APBB2: variants seen among roughly 807,000 people sequenced by gnomAD.
APBB2 encodes Fe65-like 1.
A neutral mutation model predicts 82.5 loss-of-function variants in APBB2; 38 were observed. The observed-to-expected ratio is 0.46, with a 90% CI of 0.36 to 0.60. The LOEUF is 0.60. APBB2 is among the 20% of genes least tolerant of loss of function. The pLI is 0.00. For missense variants in APBB2, 772 were observed against 972.3 expected (o/e 0.79, Z 2.74); for synonymous variants, 341 against 368.2 (o/e 0.93, Z 0.85).
intron 2 of APBB2, among the ~76,000 whole-genome samples, chr4:41,111,120 T>C (rs1465495714): frequency 3.3e-5 from 5 of 152,190 alleles, no homozygotes; most frequent in Admixed American, 1.3e-4. Context: ...TATGAGAATC[T>C]AATGCTGCTG....
intron 17 of APBB2, among the ~76,000 whole-genome samples, chr4:40,817,226 G>A (rs897937662): frequency 6.6e-6 from 1 of 152,038 alleles, no homozygotes; most frequent in African/African-American, 2.4e-5. Flanking sequence ...TGGGCAACAT[G>A]GTGAAACCGT....
intron 3 of APBB2, among the ~76,000 whole-genome samples, chr4:41,099,750 G>C (rs1316784322): frequency 6.6e-6 from 1 of 152,068 alleles, no homozygotes; most frequent in Non-Finnish European, 1.5e-5. Flanking sequence ...ATAGAGTGGA[G>C]CTATAAGACA....
At chr4:40,902,219 A>G (rs900950039) in intron 10 of APBB2, among the ~76,000 whole-genome samples, 1 of 141,910 alleles carries the variant, frequency 7.0e-6, no homozygotes, top group Admixed American at 7.1e-5. Context: ...CTGTACTTTA[A>G]AAGAGTTCCA....
intron 3 of APBB2, among the ~76,000 whole-genome samples, chr4:41,092,558 G>A (rs1025226135): frequency 1.8e-4 from 27 of 152,018 alleles, no homozygotes; most frequent in Admixed American, 1.7e-3. Flanking sequence ...GCATGGTGGC[G>A]CGTGTGTGTA....
chr4:41,086,601 AC>A (rs1380065464), intron 3 of APBB2, among the ~76,000 whole-genome samples: 1 of 152,242 alleles, frequency 6.6e-6, no homozygotes, highest in African/African-American at 2.4e-5. Flanking sequence ...AGAGCATTTG[AC>A]AAAATTCAGC....
At chr4:41,086,673 A>G (rs1739806317) in intron 3 of APBB2, among the ~76,000 whole-genome samples, 1 of 152,204 alleles carries the variant, frequency 6.6e-6, no homozygotes, top group Non-Finnish European at 1.5e-5. Context: ...TCTCAGCATA[A>G]TAAAGGTCAT....
chr4:41,065,437 C>T (rs1158261221), intron 4 of APBB2, 139 bp downstream of exon 4: 1 of 152,076 alleles, frequency 6.6e-6, no homozygotes, highest in African/African-American at 2.4e-5. Flanking sequence ...TAAAACTTAC[C>T]CTAGAGCAAT....
At chr4:40,911,683 G>A (rs1320736423) in intron 10 of APBB2, among the ~76,000 whole-genome samples, 1 of 152,150 alleles carries the variant, frequency 6.6e-6, no homozygotes, top group African/African-American at 2.4e-5. Flanking sequence ...ATATCCAAGG[G>A]TCCTGGGACA....
chr4:40,837,090 G>A (rs1019115875), intron 12 of APBB2, among the ~76,000 whole-genome samples: 1 of 152,174 alleles, frequency 6.6e-6, no homozygotes, highest in Non-Finnish European at 1.5e-5. Context: ...AAATTGCTTT[G>A]TAGTAAACAC....
chr4:41,205,575 A>G (rs190289624), intron 1 of APBB2, among the ~76,000 whole-genome samples: 1 of 152,330 alleles, frequency 6.6e-6, no homozygotes, highest in East Asian at 1.9e-4. Flanking sequence ...ACAAAAAGGA[A>G]CTAGAAAAAC....
intron 12 of APBB2, among the ~76,000 whole-genome samples, chr4:40,861,711 G>C (rs1762806660): frequency 6.6e-6 from 1 of 152,154 alleles, no homozygotes; most frequent in African/African-American, 2.4e-5. Context: ...AGAAAGACAG[G>C]TTCAATTATG....
intron 6 of APBB2, among the ~76,000 whole-genome samples, chr4:41,011,477 C>G (rs1321403190): frequency 6.6e-6 from 1 of 152,138 alleles, no homozygotes; most frequent in Non-Finnish European, 1.5e-5. Context: ...GTCACCCAGG[C>G]TAGAGTGCAG....
At chr4:40,900,756 C>CTTT (rs71988912) in intron 10 of APBB2, among the ~76,000 whole-genome samples, 4 of 130,100 alleles carry the variant, frequency 3.1e-5, no homozygotes, top group South Asian at 5.0e-4. Flanking sequence ...TGAGCCCGGG[C>CTTT]TTTTTTTTTT....
intron 2 of APBB2, among the ~76,000 whole-genome samples, chr4:41,120,844 T>C (rs1289540749): frequency 2.6e-5 from 4 of 152,188 alleles, no homozygotes; most frequent in Admixed American, 6.5e-5. Flanking sequence ...CTAAATCAAG[T>C]GAAAAGTCAA....
chr4:41,010,253 G>C, intron 6 of APBB2, among the ~76,000 whole-genome samples: 1 of 152,170 alleles, frequency 6.6e-6, no homozygotes, highest in Non-Finnish European at 1.5e-5. Flanking sequence ...ATTGCTTTTC[G>C]GTCACAGCTA....
At chr4:40,869,704 T>C (rs1226149256) in intron 12 of APBB2, among the ~76,000 whole-genome samples, 1 of 139,662 alleles carries the variant, frequency 7.2e-6, no homozygotes, top group Non-Finnish European at 1.6e-5. Flanking sequence ...ATACGTGAAA[T>C]GAAAAAAATT....
intron 10 of APBB2, among the ~76,000 whole-genome samples, chr4:40,905,431 A>G (rs966694293): frequency 1.3e-5 from 2 of 152,188 alleles, no homozygotes; most frequent in Non-Finnish European, 2.9e-5. Flanking sequence ...TTCACACACA[A>G]CACGGAGCCA....
intron 4 of APBB2, among the ~76,000 whole-genome samples, chr4:41,046,690 A>AC (rs1356374470): frequency 6.6e-6 from 1 of 152,128 alleles, no homozygotes; most frequent in African/African-American, 2.4e-5. Context: ...AGAATGCATG[A>AC]TTTTTTTTAA....
In APBB2 at chr4:40,945,028, G is replaced by A. The variant is rs369022360; in HGVS notation, c.881C>T (p.Pro294Leu). The change falls in exon 7 of 18, where the codon CCG (proline) becomes CTG (leucine). Residue 294 changes from proline (P) to leucine (L), a missense_variant. Pro to Leu is a moderately conservative substitution (Grantham distance 98, BLOSUM62 -3). Transcript: ENST00000508593. ...GTCACTGACTCTTTTCCAGCCAGGCGGCAAATCTGGATCAGTCTGAAATGA... is the reference window on the plus strand; with the variant it reads ...GTCACTGACTCTTTTCCAGCCAGGCAGCAAATCTGGATCAGTCTGAAATGA... ...DHSFQTDPDL[P>L]PGWKRVSDIA... 11 of 1,587,906 alleles carry A rather than the reference G, an allele frequency of 6.9e-6. No individual in the cohort carries two copies. The highest frequency in any genetic ancestry group is 6.8e-5 in the African/African-American group (5 of 73,232).
Sources: gnomAD v4.1 joint callset for allele counts (sites outside exome capture counted in the v4.1 genomes callset) on GRCh38, gnomAD v4.1.1 for gene constraint, MANE v1.5 for transcripts, NCBI Gene and HGNC (gene_info 2026-07-23, HGNC 2026-07-21) for gene names.